GRIK3: variants seen among roughly 807,000 people sequenced by gnomAD.
GRIK3 encodes glutamate ionotropic receptor kainate type subunit 3.
GRIK3 carries 29 observed loss-of-function variants against 102.5 expected under a neutral mutation model. The observed-to-expected ratio is 0.28, with a 90% CI of 0.21 to 0.39. The LOEUF is 0.39. Among genes scored for constraint, GRIK3 ranks in the 10% least tolerant of loss-of-function variants. The pLI, the probability that GRIK3 is intolerant of heterozygous loss-of-function variation, is 1.00. For missense variants in GRIK3, 908 were observed against 1,252.4 expected (o/e 0.73, Z 4.15); for synonymous variants, 511 against 504.9 (o/e 1.01, Z -0.16).
intron 8 of GRIK3, among the ~76,000 whole-genome samples, chr1:36,851,154 G>A (rs112656616): frequency 1.2e-3 from 188 of 152,228 alleles, no homozygotes; most frequent in African/African-American, 4.4e-3. Flanking sequence ...CCCAGTTAGG[G>A]GGGCTACTCA....
chr1:36,904,694 T>C (rs1316706711), intron 1 of GRIK3, among the ~76,000 whole-genome samples: 1 of 152,086 alleles, frequency 6.6e-6, no homozygotes, highest in Non-Finnish European at 1.5e-5. Context: ...AATCAAAGCA[T>C]AGGATGATAC....
intron 1 of GRIK3, among the ~76,000 whole-genome samples, chr1:36,983,215 G>A (rs916960121): frequency 6.6e-6 from 1 of 152,098 alleles, no homozygotes; most frequent in Non-Finnish European, 1.5e-5. Flanking sequence ...GGGGCATGGT[G>A]CACACACAAA....
At chr1:37,031,025 G>A (rs1642821982) in intron 1 of GRIK3, among the ~76,000 whole-genome samples, 1 of 152,142 alleles carries the variant, frequency 6.6e-6, no homozygotes, top group Admixed American at 6.5e-5. Context: ...TGGAAATTCA[G>A]GTCCCCACGG....
At chr1:36,815,018 C>T (rs923750275) in intron 13 of GRIK3, among the ~76,000 whole-genome samples, 1 of 152,266 alleles carries the variant, frequency 6.6e-6, no homozygotes, top group Non-Finnish European at 1.5e-5. Flanking sequence ...CATACACACA[C>T]GTGCACATTC....
intron 1 of GRIK3, among the ~76,000 whole-genome samples, chr1:36,891,789 T>G (rs1001979716): frequency 4.6e-5 from 7 of 152,202 alleles, no homozygotes; most frequent in African/African-American, 1.7e-4. Flanking sequence ...AAATTCTTAT[T>G]TGCAAATGAT....
At chr1:37,003,509 G>C (rs997109233) in intron 1 of GRIK3, among the ~76,000 whole-genome samples, 1 of 152,130 alleles carries the variant, frequency 6.6e-6, no homozygotes, top group African/African-American at 2.4e-5. Flanking sequence ...TGAGCTTCTG[G>C]ATCCGGAGGT....
intron 1 of GRIK3, among the ~76,000 whole-genome samples, chr1:36,953,372 T>C (rs1019510748): frequency 1.8e-4 from 28 of 152,114 alleles, no homozygotes; most frequent in African/African-American, 5.6e-4. Flanking sequence ...AGCCGAGACC[T>C]GCAGGATAAA....
rs745575091 is a variant in GRIK3, at chr1:36,825,607, C to T, written c.1750G>A (p.Ala584Thr). ...LGVSCVLFVI[A>T]RFSPYEWYDA... ...CTGGCCAAGGAATTGCCTTACCTGG[C>T]GATGACGAAGAGGACACAGCTGACC... Residue 584 changes from alanine (A) to threonine (T), a missense_variant, in exon 11 of 16, where the codon GCC (alanine) becomes ACC (threonine). Physicochemically the swap from Ala to Thr is moderately conservative, Grantham distance 58 (BLOSUM62 0). Around this residue, in one of 3 missense-constraint regions of GRIK3, gnomAD observed 585 missense variants for 824.9 expected, o/e 0.71. Coordinates refer to ENST00000373091, the MANE Select transcript of GRIK3 (RefSeq NM_000831.4). 6 of 1,566,908 alleles carry T rather than the reference C, an allele frequency of 3.8e-6. No individual in the cohort carries two copies. The highest frequency in any genetic ancestry group is 2.4e-5 in the South Asian group (2 of 82,954).
chr1:36,830,746 G>A (rs1640266926), intron 10 of GRIK3, among the ~76,000 whole-genome samples: 1 of 144,136 alleles, frequency 6.9e-6, no homozygotes, highest in South Asian at 2.3e-4. Context: ...AGGAGGCAGG[G>A]ATTGCAGTGA....
Position 36,850,321 on chromosome 1 carries a change from G to A in GRIK3, c.1316C>T (p.Thr439Ile), listed in dbSNP as rs1640567579. The change falls in exon 9 of 16, where the codon ACC becomes ATC. Residue 439 changes from threonine (T) to isoleucine (I), a missense_variant. Around this residue, in one of 3 missense-constraint regions of GRIK3, gnomAD observed 585 missense variants for 824.9 expected, o/e 0.71. Coordinates refer to ENST00000373091, the MANE Select transcript of GRIK3 (RefSeq NM_000831.4). This position sits in a 1 kb window ranked among gnomAD's most constrained non-coding sequence, Gnocchi z 4.0. ...GCTGCAGGCTCTTACCAGCACTGTG[G>A]TGACAATGAGTGATCTGTTTGTCAG... ...DSLTNRSLIV[T>I]TVLEEPFVMF... is the part of the protein sequence containing the mutation. 3.1e-6 allele frequency: 5 copies of A among 1,600,362 alleles called. No individual in the cohort carries two copies. Among genetic ancestry groups the A allele is most frequent in the Non-Finnish European group, 4.3e-6 (5 of 1,167,430 alleles).
At chr1:36,937,570 G>A (rs186862182) in intron 1 of GRIK3, among the ~76,000 whole-genome samples, 80 of 152,230 alleles carry the variant, frequency 5.3e-4, no homozygotes, top group African/African-American at 1.7e-3. Context: ...ATAAAGTCCC[G>A]TGCCTCACAT....
chr1:36,915,933 C>T (rs1046747073), intron 1 of GRIK3, among the ~76,000 whole-genome samples: 1 of 152,104 alleles, frequency 6.6e-6, no homozygotes, highest in Non-Finnish European at 1.5e-5. Flanking sequence ...GTGGAAGCGA[C>T]TTTGGAACTG....
At chr1:36,976,789 C>G (rs1416367537) in intron 1 of GRIK3, among the ~76,000 whole-genome samples, 2 of 152,182 alleles carry the variant, frequency 1.3e-5, no homozygotes, top group Non-Finnish European at 2.9e-5. Flanking sequence ...CACCAGAGCT[C>G]TCAGTTGACC....
chr1:36,933,397 A>T (rs912746967), intron 1 of GRIK3, among the ~76,000 whole-genome samples: 1 of 152,210 alleles, frequency 6.6e-6, no homozygotes, highest in African/African-American at 2.4e-5. Context: ...GGATGTTTTC[A>T]TGCAGCCAGA....
intron 9 of GRIK3, among the ~76,000 whole-genome samples, chr1:36,843,224 T>A (rs1039020540): frequency 2.6e-5 from 4 of 152,158 alleles, no homozygotes; most frequent in Non-Finnish European, 5.9e-5. Context: ...CAAGTCCGAA[T>A]CCAGGTCAAC....
intron 1 of GRIK3, among the ~76,000 whole-genome samples, chr1:36,918,180 G>T (rs1418341805): frequency 6.6e-6 from 1 of 152,226 alleles, no homozygotes; most frequent in Non-Finnish European, 1.5e-5. Context: ...CAGCTCTGAA[G>T]TCATAAAAAC....
Position 36,806,426 on chromosome 1 carries a change from G to T in GRIK3, c.2092-100C>A. Reference sequence around the variant, plus strand: ...CAACGTGGGTTGGGGCCTTGAACTCGGTCTACAATCTTCAGAGAAAGGAAG... The same window carrying T: ...CAACGTGGGTTGGGGCCTTGAACTCTGTCTACAATCTTCAGAGAAAGGAAG... On this transcript the variant is annotated intron_variant, in intron 13 of 15. Coordinates refer to ENST00000373091, the MANE Select transcript of GRIK3 (RefSeq NM_000831.4). The surrounding 1 kb of genome is among the most constrained non-coding windows in gnomAD (Gnocchi z 4.0). 1 of 678,362 alleles carries T rather than the reference G, an allele frequency of 1.5e-6. No homozygotes were observed. Among genetic ancestry groups the T allele is most frequent in the Non-Finnish European group, 2.5e-6 (1 of 392,410 alleles). 42.0% of individuals were successfully genotyped at this position (678,362 alleles called of 1,614,324 possible).
intron 1 of GRIK3, among the ~76,000 whole-genome samples, chr1:36,942,140 C>T (rs1641727631): frequency 6.6e-6 from 1 of 152,218 alleles, no homozygotes; most frequent in South Asian, 2.1e-4. Flanking sequence ...ATGGACTTGA[C>T]ACAGGACCCC....
chr1:36,798,495 A>G lies in GRIK3; in HGVS notation c.*3356T>C, dbSNP rs902981877. On this transcript the variant is annotated 3_prime_UTR_variant, in exon 16 of 16. Coordinates refer to ENST00000373091, the MANE Select transcript of GRIK3 (RefSeq NM_000831.4). ...CATACACACACATACACACACACGC[A>G]TGCACCTGCCCCAGCTCAGCTCCAT... 2.8e-4 allele frequency: 42 copies of G among 152,442 alleles called. No individual in the cohort carries two copies. The highest frequency in any genetic ancestry group is 9.1e-4 in the African/African-American group (38 of 41,570). The allele number at this position is 152,442 out of a possible 1,614,324, so 9.4% of individuals were successfully genotyped here.
Sources: allele counts gnomAD v4.1 joint callset (sites outside exome capture counted in the v4.1 genomes callset), GRCh38; gene constraint gnomAD v4.1.1; regional missense constraint gnomAD v4.1.1; non-coding constraint Gnocchi (gnomAD v3.1); transcripts MANE v1.5; gene names NCBI Gene and HGNC (gene_info 2026-07-23, HGNC 2026-07-21).